The following VEGFC variants were observed in gnomAD, a reference collection of about 807,000 sequenced individuals.
VEGFC encodes the protein vascular endothelial growth factor C, also known as FLT4 ligand DHM.
A neutral mutation model predicts 46.1 loss-of-function variants in VEGFC; 12 were observed. The observed-to-expected ratio is 0.26, with a 90% confidence interval of 0.17 to 0.42. The LOEUF is 0.42. Ranked by LOEUF, VEGFC falls within the 10% of genes least tolerant of loss-of-function variation. VEGFC has a pLI of 1.00. For synonymous variants in VEGFC, 232 were observed against 195.5 expected, an observed-to-expected ratio of 1.19 and a Z score of -1.56; for missense variants, 488 against 529.4, an observed-to-expected ratio of 0.92 and a Z score of 0.77.
intron 1 of VEGFC, among the ~76,000 whole-genome samples, chr4:176,758,196 G>C (rs1312659619): frequency 6.6e-6 from 1 of 152,028 alleles, no homozygotes; most frequent in Non-Finnish European, 1.5e-5. Context: ...GTTAGTAGAA[G>C]AAAGCAAAGA....
chr4:176,762,177 A>C (rs1287966460), intron 1 of VEGFC, among the ~76,000 whole-genome samples: 1 of 152,168 alleles, frequency 6.6e-6, no homozygotes, highest in Non-Finnish European at 1.5e-5. Flanking sequence ...AAACTGAATC[A>C]GTTATTTCTT....
chr4:176,761,656 T>C (rs762481406), intron 1 of VEGFC, among the ~76,000 whole-genome samples: 1 of 152,232 alleles, frequency 6.6e-6, no homozygotes, highest in Non-Finnish European at 1.5e-5. Context: ...GGCCCACGTG[T>C]ATGTGTCTTC....
intron 4 of VEGFC, among the ~76,000 whole-genome samples, chr4:176,692,374 A>G: frequency 7.4e-6 from 1 of 134,242 alleles, no homozygotes; most frequent in African/African-American, 3.6e-5. Context: ...AGCCTGGGCG[A>G]CAGAGCGAGA....
intron 1 of VEGFC, among the ~76,000 whole-genome samples, chr4:176,745,401 C>T (rs936699705): frequency 3.3e-5 from 5 of 151,322 alleles, no homozygotes; most frequent in African/African-American, 9.7e-5. Flanking sequence ...CATTCAACAG[C>T]GCACACTGTG....
At chr4:176,726,026 G>C (rs1734868891) in intron 3 of VEGFC, among the ~76,000 whole-genome samples, 1 of 151,944 alleles carries the variant, frequency 6.6e-6, no homozygotes, top group Admixed American at 6.6e-5. Flanking sequence ...TGTTAAAGTA[G>C]TATTAATTTA....
chr4:176,687,790 C>T (rs750245147), intron 5 of VEGFC, 31 bp downstream of exon 5: 16 of 1,456,098 alleles, frequency 1.1e-5, no homozygotes, highest in African/African-American at 9.8e-5. Context: ...AGACCCCTGG[C>T]GTTTAGTCTT....
At chr4:176,720,608 G>A (rs1386574438) in intron 3 of VEGFC, among the ~76,000 whole-genome samples, 3 of 152,078 alleles carry the variant, frequency 2.0e-5, no homozygotes, top group Non-Finnish European at 4.4e-5. Flanking sequence ...GGAGGCAGAG[G>A]TGGGAGGATC....
At chr4:176,717,208 A>G (rs1319156361) in intron 3 of VEGFC, among the ~76,000 whole-genome samples, 2 of 152,166 alleles carry the variant, frequency 1.3e-5, no homozygotes, top group Non-Finnish European at 2.9e-5. Context: ...TACTTTAGGC[A>G]TATAATACCA....
At chr4:176,713,304 C>T (rs1734647523) in intron 3 of VEGFC, among the ~76,000 whole-genome samples, 1 of 152,084 alleles carries the variant, frequency 6.6e-6, no homozygotes, top group Admixed American at 6.6e-5. Flanking sequence ...TGAAATATTG[C>T]AATGGCAGTA....
intron 4 of VEGFC, among the ~76,000 whole-genome samples, chr4:176,688,207 T>C (rs543104033): frequency 6.0e-4 from 92 of 152,370 alleles, no homozygotes; most frequent in South Asian, 2.9e-3. Context: ...TATAGGGTTT[T>C]AGCTTGTGAA....
At chr4:176,703,261 T>C (rs1054244761) in intron 4 of VEGFC, among the ~76,000 whole-genome samples, 21 of 152,232 alleles carry the variant, frequency 1.4e-4, no homozygotes, top group African/African-American at 5.1e-4. Flanking sequence ...AAAGAAAATC[T>C]GTTATATATA....
At chr4:176,771,950 AAGAAC>A (rs1191869608) in intron 1 of VEGFC, among the ~76,000 whole-genome samples, 1 of 152,180 alleles carries the variant, frequency 6.6e-6, no homozygotes. Context: ...TGTGAAGAAA[AAGAAC>A]AGAAATCTCC....
intron 4 of VEGFC, among the ~76,000 whole-genome samples, chr4:176,692,366 C>A (rs1480702064): frequency 1.5e-5 from 2 of 134,510 alleles, no homozygotes; most frequent in Non-Finnish European, 3.0e-5. Context: ...TGCACTCCAG[C>A]CTGGGCGACA....
At chr4:176,703,251 A>C (rs1187109973) in intron 4 of VEGFC, among the ~76,000 whole-genome samples, 2 of 152,152 alleles carry the variant, frequency 1.3e-5, no homozygotes, top group African/African-American at 2.4e-5. Context: ...AGTTAAAAAT[A>C]AAGAAAATCT....
At chr4:176,747,100 T>C (rs1735270110) in intron 1 of VEGFC, among the ~76,000 whole-genome samples, 1 of 152,114 alleles carries the variant, frequency 6.6e-6, no homozygotes, top group Non-Finnish European at 1.5e-5. Context: ...TTTGACATCA[T>C]GGAAATATAT....
At chr4:176,697,538 G>T (rs1734342158) in intron 4 of VEGFC, among the ~76,000 whole-genome samples, 3 of 149,898 alleles carry the variant, frequency 2.0e-5, no homozygotes, top group African/African-American at 7.3e-5. Flanking sequence ...CTGTTGGTGG[G>T]ACTGTAAACT....
chr4:176,729,958 G>A (rs1256884830), intron 1 of VEGFC, among the ~76,000 whole-genome samples: 1 of 151,978 alleles, frequency 6.6e-6, no homozygotes, highest in African/African-American at 2.4e-5. Flanking sequence ...ATATTTTGTT[G>A]TTAGGAAAAA....
At chr4:176,736,339 G>T (rs1012259927) in intron 1 of VEGFC, among the ~76,000 whole-genome samples, 1 of 151,430 alleles carries the variant, frequency 6.6e-6, no homozygotes, top group Admixed American at 6.6e-5. Flanking sequence ...ACTACTTGTC[G>T]GCCTATGCAT....
chr4:176,792,078 C>T lies in VEGFC; in HGVS notation c.147+87G>A, dbSNP rs1368122004. 2.1e-6 allele frequency: 3 copies of T among 1,396,332 alleles called. No homozygotes were observed. The highest frequency in any genetic ancestry group is 3.0e-5 in the African/African-American group (2 of 66,634). The allele number at this position is 1,396,332 out of a possible 1,614,324, so 86.5% of individuals were successfully genotyped here. A position where few individuals can be genotyped will look rare whatever the true frequency, so the allele number is the denominator to read the frequency against. On this transcript the variant is annotated intron_variant, in intron 1 of 6. Transcript: ENST00000618562. The surrounding 1 kb of genome is among the most constrained non-coding windows in gnomAD (Gnocchi z 6.3). Reference sequence around the variant, plus strand: ...CCCACGTACACAAGCTTAAAGCACACACACTTTCCCCCGCGCAGGTTCTCG... The same window carrying T: ...CCCACGTACACAAGCTTAAAGCACATACACTTTCCCCCGCGCAGGTTCTCG...
Sources: allele counts gnomAD v4.1 joint callset (sites outside exome capture counted in the v4.1 genomes callset), GRCh38; gene constraint gnomAD v4.1.1; non-coding constraint Gnocchi (gnomAD v3.1); transcripts MANE v1.5; gene names NCBI Gene and HGNC (gene_info 2026-07-23, HGNC 2026-07-21).